Variants in MKLN1 observed in about 807,000 individuals in gnomAD.
The protein encoded by MKLN1 is muskelin 1, also known as muskelin.
A neutral mutation model predicts 99.0 loss-of-function variants in MKLN1; 18 were observed. The observed-to-expected ratio is 0.18, with a 90% CI of 0.13 to 0.27. The LOEUF (loss-of-function observed/expected upper bound fraction) is 0.27. Ranked by LOEUF, MKLN1 falls within the 10% of genes least tolerant of loss-of-function variation. MKLN1 has a pLI of 1.00. For synonymous variants in MKLN1, 288 were observed against 293.2 expected (o/e 0.98, Z 0.18); for missense variants, 621 against 875.9 (o/e 0.71, Z 3.67).
At chr7:131,115,517 A>T (rs1795261024) in intron 1 of MKLN1, among the ~76,000 whole-genome samples, 1 of 152,156 alleles carries the variant, frequency 6.6e-6, no homozygotes, top group Admixed American at 6.5e-5. Flanking sequence ...AGTTTCATAA[A>T]TCATAAGTCT....
chr7:131,345,164 G>A (rs1799522194), intron 1 of MKLN1, among the ~76,000 whole-genome samples: 1 of 152,154 alleles, frequency 6.6e-6, no homozygotes, highest in Non-Finnish European at 1.5e-5. Context: ...CATGTAATTT[G>A]GAAGGTGGTA....
rs547041866 is a variant in MKLN1 at position 131,257,736 on chromosome 7, G to A, written c.-179+54762G>A. Among the ~76,000 whole-genome samples the A allele has an allele frequency of 2.6e-5, 4 of 152,240 alleles. No homozygotes were observed. The East Asian group carries it at 7.7e-4, about 29-fold the overall frequency. On this transcript the variant is annotated intron_variant, in intron 3 of 7. Coordinates refer to the MKLN1 transcript ENST00000416992. ...GAGAGGAGAAGGGAGGGAAGGGGAA[G>A]GGAGAGAAGGGAAAGGAAGGGGAGG...
At chr7:131,407,862 T>C in intron 6 of MKLN1, among the ~76,000 whole-genome samples, 1 of 152,096 alleles carries the variant, frequency 6.6e-6, no homozygotes. Context: ...CTTCCTCCTC[T>C]TAACTCCTAT....
intron 4 of MKLN1, among the ~76,000 whole-genome samples, chr7:131,390,055 A>G (rs1469931344): frequency 6.6e-6 from 1 of 152,196 alleles, no homozygotes; most frequent in African/African-American, 2.4e-5. Context: ...TTTTGGAGCA[A>G]ACATAGTCAT....
At chr7:131,129,661 C>A (rs1795518802) in intron 1 of MKLN1, among the ~76,000 whole-genome samples, 2 of 152,120 alleles carry the variant, frequency 1.3e-5, no homozygotes, top group African/African-American at 4.8e-5. Flanking sequence ...GCAGCCTTGA[C>A]CTCCTGGGCT....
At chr7:131,302,505 A>AAT (rs1798391017) in intron 3 of MKLN1, among the ~76,000 whole-genome samples, 1 of 152,180 alleles carries the variant, frequency 6.6e-6, no homozygotes, top group Non-Finnish European at 1.5e-5. Flanking sequence ...TTTGGTTCCA[A>AAT]ATACACTAGG....
chr7:131,242,748 G>T, intron 3 of MKLN1: 1 of 696,662 alleles, frequency 1.4e-6, no homozygotes, highest in Non-Finnish European at 2.7e-6. Flanking sequence ...TCCCCACAAA[G>T]TGACAGCTGC....
At chr7:131,187,918 T>C (rs1428548188) in intron 2 of MKLN1, among the ~76,000 whole-genome samples, 1 of 152,114 alleles carries the variant, frequency 6.6e-6, no homozygotes, top group East Asian at 1.9e-4. Flanking sequence ...ATTGTGCCAC[T>C]GTACCCCAGC....
chr7:131,277,024 C>T (rs756373917), intron 3 of MKLN1, among the ~76,000 whole-genome samples: 4 of 152,020 alleles, frequency 2.6e-5, no homozygotes, highest in Non-Finnish European at 5.9e-5. Flanking sequence ...CAAGGAAGAG[C>T]CAGATATATC....
At chr7:131,340,397 C>A (rs1048358885) in intron 1 of MKLN1, among the ~76,000 whole-genome samples, 2 of 135,076 alleles carry the variant, frequency 1.5e-5, no homozygotes, top group African/African-American at 2.6e-5. Flanking sequence ...CCTGCCTCAG[C>A]CCCCCCAAGT....
At chr7:131,111,321 A>G (rs531814282) in intron 1 of MKLN1, among the ~76,000 whole-genome samples, 1 of 152,318 alleles carries the variant, frequency 6.6e-6, no homozygotes, top group Admixed American at 6.5e-5. Context: ...GGTTAAAGGC[A>G]TTCTTGCTTA....
In MKLN1 at chr7:131,496,186, C is replaced by G. The variant is rs899660715; in HGVS notation, c.*8458C>G. 4 of 152,068 alleles carry G rather than the reference C, an allele frequency of 2.6e-5. No homozygotes were observed. 9.4% of individuals were successfully genotyped at this position (152,068 alleles called of 1,614,324 possible). ...CTAACTTGTTTGGTTCTACTCTTAC[C>G]CCCTCTTCTGTGGCAATGTGGGGTC... On this transcript the variant is annotated 3_prime_UTR_variant, in exon 18 of 18. Coordinates refer to ENST00000352689, the MANE Select transcript of MKLN1 (RefSeq NM_013255.5).
intron 2 of MKLN1, among the ~76,000 whole-genome samples, chr7:131,165,114 A>G (rs1214430068): frequency 6.6e-6 from 1 of 152,064 alleles, no homozygotes; most frequent in Non-Finnish European, 1.5e-5. Flanking sequence ...AGAAAGTGAT[A>G]TTTGGGATCC....
intron 3 of MKLN1, among the ~76,000 whole-genome samples, chr7:131,216,178 T>A (rs989343327): frequency 6.6e-6 from 1 of 152,198 alleles, no homozygotes; most frequent in East Asian, 1.9e-4. Flanking sequence ...GGCAGGCAGA[T>A]CACCTGAGGT....
At chr7:131,428,009 C>G (rs1795408121) in intron 8 of MKLN1, among the ~76,000 whole-genome samples, 1 of 151,762 alleles carries the variant, frequency 6.6e-6, no homozygotes, top group Non-Finnish European at 1.5e-5. Flanking sequence ...AACCCCCACC[C>G]CCCCAAAAAA....
chr7:131,192,054 A>G (rs566588448), intron 2 of MKLN1, among the ~76,000 whole-genome samples: 9 of 101,660 alleles, frequency 8.9e-5, no homozygotes, highest in South Asian at 4.9e-4. Flanking sequence ...ATATGTATAC[A>G]TGTATATATA....
chr7:131,243,969 C>T (rs1223795502), intron 3 of MKLN1, among the ~76,000 whole-genome samples: 2 of 152,096 alleles, frequency 1.3e-5, no homozygotes, highest in African/African-American at 2.4e-5. Flanking sequence ...AGCCGAGCTG[C>T]ACCGCTGTAC....
intron 1 of MKLN1, among the ~76,000 whole-genome samples, chr7:131,115,686 C>T (rs1795265923): frequency 6.6e-6 from 1 of 152,174 alleles, no homozygotes. Context: ...CACCACTCTC[C>T]ACCACCGCAG....
intron 2 of MKLN1, among the ~76,000 whole-genome samples, chr7:131,376,640 C>CA (rs540925056): frequency 0.015 from 973 of 65,040 alleles, 8 homozygotes; most frequent in Middle Eastern, 0.037. Flanking sequence ...GACTCTGTCT[C>CA]AAAAAAAAAA....
Sources: allele counts gnomAD v4.1 joint callset (sites outside exome capture counted in the v4.1 genomes callset), GRCh38; gene constraint gnomAD v4.1.1; transcripts MANE v1.5; gene names NCBI Gene and HGNC (gene_info 2026-07-23, HGNC 2026-07-21).